Variants in HMGN3 observed in about 807,000 individuals in gnomAD.
HMGN3 encodes high mobility group nucleosome-binding domain-containing protein 3.
Under a neutral mutation model 18.8 loss-of-function variants are expected in HMGN3, and 6 were observed. The observed-to-expected ratio is 0.32, with a 90% confidence interval of 0.18 to 0.63. The LOEUF (loss-of-function observed/expected upper bound fraction) is 0.63, where lower values mean the gene tolerates loss of function less well. Among genes scored for constraint, HMGN3 ranks in the 30% least tolerant of loss-of-function variants. The pLI, the probability that HMGN3 is intolerant of heterozygous loss-of-function variation, is 0.79. For synonymous variants in HMGN3, 40 were observed against 36.5 expected (o/e 1.10, Z -0.35); for missense variants, 107 against 114.2 (o/e 0.94, Z 0.29).
intron 2 of HMGN3, among the ~76,000 whole-genome samples, chr6:79,212,514 C>A (rs1035443615): frequency 6.6e-6 from 1 of 152,152 alleles, no homozygotes; most frequent in Admixed American, 6.5e-5. Context: ...CAGTGCTTGG[C>A]GCATTATAGG....
intron 2 of HMGN3, among the ~76,000 whole-genome samples, chr6:79,210,791 G>C (rs1270809654): frequency 6.6e-6 from 1 of 151,988 alleles, no homozygotes; most frequent in African/African-American, 2.4e-5. Flanking sequence ...CATGTGAAAA[G>C]TTCCCCAGCT....
chr6:79,226,072 A>T (rs1202829023), intron 1 of HMGN3, among the ~76,000 whole-genome samples: 2 of 152,264 alleles, frequency 1.3e-5, no homozygotes, highest in Non-Finnish European at 2.9e-5. Context: ...ACATATACAG[A>T]AAGTATTATG....
exon 6 of HMGN3, chr6:79,201,533 T>A: frequency 1.7e-6 from 1 of 572,144 alleles, no homozygotes; most frequent in South Asian, 2.6e-5. Context: ...CCAAAAAGCA[T>A]GACTATGAGA....
In HMGN3 at chr6:79,223,305, A is replaced by T. The variant is rs553660172; in HGVS notation, c.16-8283T>A. 7.2e-5 allele frequency among the ~76,000 whole-genome samples: 11 copies of T among 152,232 alleles called. No homozygotes were observed. In the South Asian group the frequency reaches 2.3e-3, roughly 32 times the overall value. On this transcript the variant is annotated intron_variant, in intron 1 of 5. Transcript: ENST00000344726. ...GGCAGGCGGATCATGAGGTCGGGAG[A>T]TGGAGATCATCCTGGCTGACACGGT...
intron 5 of HMGN3, 67 bp from the exon 7 acceptor site, chr6:79,201,793 C>T (rs1188488604): frequency 3.2e-6 from 5 of 1,564,848 alleles, no homozygotes; most frequent in African/African-American, 2.8e-5. Context: ...AAGGAAATTC[C>T]ACCCACCAAC....
chr6:79,213,555 A>T (rs1002371313), intron 2 of HMGN3, among the ~76,000 whole-genome samples: 2 of 152,212 alleles, frequency 1.3e-5, no homozygotes, highest in African/African-American at 4.8e-5. Context: ...TCCCAAGAAA[A>T]TTCAAGCATT....
At chr6:79,221,812 A>C (rs1044103593) in intron 1 of HMGN3, among the ~76,000 whole-genome samples, 1 of 149,838 alleles carries the variant, frequency 6.7e-6, no homozygotes, top group African/African-American at 2.4e-5. Flanking sequence ...GAAGACAAGA[A>C]AGAGGAGGGC....
rs906085713 is a variant in HMGN3, at chr6:79,201,452, G to A, written c.*236C>T. On this transcript the variant is annotated 3_prime_UTR_variant, in exon 6 of 6. Coordinates refer to ENST00000344726, the Ensembl canonical transcript of HMGN3. ...AAATTTTAAAGCAAGTGCATGGAAT[G>A]CTGAATCAATCTTACACACAGCTTC... 8.1e-6 allele frequency: 4 copies of A among 491,572 alleles called. No homozygotes were observed. In the Middle Eastern group the frequency reaches 1.6e-3, roughly 203 times the overall value. The allele number at this position is 491,572 out of a possible 1,614,324, so 30.5% of individuals were successfully genotyped here. A position where few individuals can be genotyped will look rare whatever the true frequency, so the allele number is the denominator to read the frequency against.
At chr6:79,232,820 C>T (rs566587995) in intron 1 of HMGN3, among the ~76,000 whole-genome samples, 2 of 152,196 alleles carry the variant, frequency 1.3e-5, no homozygotes, top group Admixed American at 6.5e-5. Flanking sequence ...CTCTGTAACC[C>T]GTATCTTGAT....
intron 3 of HMGN3, among the ~76,000 whole-genome samples, chr6:79,204,093 A>G (rs1776284622): frequency 6.6e-6 from 1 of 152,242 alleles, no homozygotes; most frequent in African/African-American, 2.4e-5. Context: ...GAAGTATTTC[A>G]AAATCACTTC....
intron 1 of HMGN3, among the ~76,000 whole-genome samples, chr6:79,220,818 A>C (rs1236148781): frequency 4.6e-5 from 7 of 152,190 alleles, no homozygotes; most frequent in Admixed American, 4.6e-4. Flanking sequence ...TAAAGGTATA[A>C]AAGCAAGAAC....
At chr6:79,227,008 T>G (rs1300312743) in intron 1 of HMGN3, among the ~76,000 whole-genome samples, 1 of 152,206 alleles carries the variant, frequency 6.6e-6, no homozygotes, top group Non-Finnish European at 1.5e-5. Flanking sequence ...TTTGTTAACT[T>G]CGACAGTGAT....
At chr6:79,202,298 T>G in exon 5 of HMGN3, 1 of 1,613,990 alleles carries the variant, frequency 6.2e-7, no homozygotes, top group Non-Finnish European at 8.5e-7. Flanking sequence ...AGTTTCACCA[T>G]TTTCAGATGG....
At chr6:79,215,657 T>A (rs1476908150) in intron 1 of HMGN3, among the ~76,000 whole-genome samples, 1 of 152,244 alleles carries the variant, frequency 6.6e-6, no homozygotes, top group Non-Finnish European at 1.5e-5. Context: ...GGGCAGCACC[T>A]GCCTCCTCTT....
intron 1 of HMGN3, among the ~76,000 whole-genome samples, chr6:79,226,134 G>T (rs1777556111): frequency 6.6e-6 from 1 of 152,180 alleles, no homozygotes; most frequent in South Asian, 2.1e-4. Flanking sequence ...TGGTTAGAAT[G>T]CTGGTTCTAT....
At chr6:79,208,655 A>G (rs1240008115) in intron 2 of HMGN3, 79 bp from the exon 3 acceptor site, 2 of 1,068,360 alleles carry the variant, frequency 1.9e-6, no homozygotes, top group African/African-American at 3.1e-5. Context: ...TCTATTCTTA[A>G]TATACCTTAC....
intron 1 of HMGN3, among the ~76,000 whole-genome samples, chr6:79,225,954 A>G (rs113527002): frequency 2.6e-4 from 39 of 152,360 alleles, no homozygotes; most frequent in African/African-American, 8.7e-4. Flanking sequence ...TGTAATAAAG[A>G]TATTTTAAAC....
chr6:79,202,422 T>C lies in HMGN3; in HGVS notation c.148-33A>G, dbSNP rs1218481012. ...AGGATCAAAGCACAGTGAAAGAGAATGTTAGACACGGTGTGATGATGGCTA... is the reference window on the plus strand; with the variant it reads ...AGGATCAAAGCACAGTGAAAGAGAACGTTAGACACGGTGTGATGATGGCTA... On this transcript the variant is annotated intron_variant, in intron 4 of 5. Transcript: ENST00000344726. The C allele has an allele frequency of 6.6e-6, 10 of 1,524,606 alleles. No individual in the cohort carries two copies. In the Admixed American group the frequency reaches 1.5e-4, roughly 23 times the overall value. 94.4% of individuals were successfully genotyped at this position (1,524,606 alleles called of 1,614,324 possible). A position where few individuals can be genotyped will look rare whatever the true frequency, so the allele number is the denominator to read the frequency against.
At chr6:79,221,216 A>G (rs543054130) in intron 1 of HMGN3, among the ~76,000 whole-genome samples, 6 of 152,300 alleles carry the variant, frequency 3.9e-5, no homozygotes, top group African/African-American at 1.4e-4. Context: ...TCTGGTTTAT[A>G]TTGCCTCCTC....
Sources: gnomAD v4.1 joint callset for allele counts (sites outside exome capture counted in the v4.1 genomes callset) on GRCh38, gnomAD v4.1.1 for gene constraint, MANE v1.5 for transcripts, NCBI Gene and HGNC (gene_info 2026-07-23, HGNC 2026-07-21) for gene names.